The following ASS1 variants were observed in gnomAD, a reference collection of about 807,000 sequenced individuals.
ASS1 encodes the protein argininosuccinate synthase 1.
ASS1 carries 58 observed loss-of-function variants against 60.5 expected under a neutral mutation model. That is an observed-to-expected ratio of 0.96 (90% CI 0.78 to 1.19). ASS1 has a LOEUF of 1.19. Among genes scored for constraint, ASS1 ranks in the 50% most tolerant of loss-of-function variants. The probability of loss-of-function intolerance (pLI) is 0.00; values close to 1 mark genes in which losing one functional copy is unlikely to be tolerated. For synonymous variants in ASS1, 200 were observed against 206.9 expected, an observed-to-expected ratio of 0.97 and a Z score of 0.29; for missense variants, 454 against 547.3, an observed-to-expected ratio of 0.83 and a Z score of 1.70.
chr9:130,445,797 ATTC>A (rs1005710291), intron 1 of ASS1, among the ~76,000 whole-genome samples: 6 of 152,100 alleles, frequency 3.9e-5, no homozygotes, highest in African/African-American at 1.4e-4. Flanking sequence ...TGGCCTCAGT[ATTC>A]TTCTCTGAGA....
At chr9:130,465,330 A>T (rs1268269097) in intron 5 of ASS1, among the ~76,000 whole-genome samples, 4 of 152,208 alleles carry the variant, frequency 2.6e-5, no homozygotes, top group Non-Finnish European at 5.9e-5. Context: ...TAGTAGCCAT[A>T]TTAAAAAATA....
In ASS1 at chr9:130,459,244, C is replaced by A. The variant is rs1443099017; in HGVS notation, c.363+655C>A. On this transcript the variant is annotated intron_variant, in intron 4 of 14. Transcript: ENST00000352480. This position sits in a 1 kb window ranked among gnomAD's most constrained non-coding sequence, Gnocchi z 4.6. ...CAGGCCTCTCTCCAGCTTCCAGTGG[C>A]CTCTGGTGTCCCTTAGCGTGTGGCT... Among the ~76,000 whole-genome samples, 5 of 152,148 alleles carry A rather than the reference C, an allele frequency of 3.3e-5. No homozygotes were observed. The highest frequency in any genetic ancestry group is 7.3e-5 in the Non-Finnish European group (5 of 68,034).
Position 130,493,958 on chromosome 9 carries a change from T to A in ASS1, c.971-909T>A, listed in dbSNP as rs867918338. Among the ~76,000 whole-genome samples, 111 of 152,282 alleles carry A rather than the reference T, an allele frequency of 7.3e-4. 1 individual carries two copies. The highest frequency in any genetic ancestry group is 2.4e-3 in the African/African-American group (99 of 41,550). On this transcript the variant is annotated intron_variant, in intron 12 of 14. Transcript: ENST00000352480. Reference sequence around the variant, plus strand: ...CTGGCCATAGAGAAAGCTCCAAGTTTATCATAGGAAGCAGAGTTGTTACAA... The same window carrying A: ...CTGGCCATAGAGAAAGCTCCAAGTTAATCATAGGAAGCAGAGTTGTTACAA...
intron 1 of ASS1, chr9:130,450,249 G>T: frequency 4.0e-6 from 4 of 987,918 alleles, no homozygotes; most frequent in Non-Finnish European, 4.8e-6. Flanking sequence ...CCTGCAGGCA[G>T]CTGAGTAGCT....
At position 130,499,513 on chromosome 9, in the gene ASS1, T is replaced by C; in HGVS notation, c.1136T>C (p.Val379Ala). The change falls in exon 14 of 15, where the codon GTG becomes GCG. Residue 379 changes from valine (V) to alanine (A), a missense_variant. Physicochemically the swap from Val to Ala is moderately conservative, Grantham distance 64. Transcript: ENST00000352480. ...LYNEELVSMNVQGDYEPTDAT... is the reference protein window; with the variant it reads ...LYNEELVSMNAQGDYEPTDAT... ...TTCTACTCTCCTTGCAGCATGAACG[T>C]GCAGGGTGATTATGAGCCAACTGAT... 1 of 1,613,736 alleles carries C rather than the reference T, an allele frequency of 6.2e-7. No individual in the cohort carries two copies. The highest frequency in any genetic ancestry group is 8.5e-7 in the Non-Finnish European group (1 of 1,179,884).
intron 11 of ASS1, among the ~76,000 whole-genome samples, chr9:130,487,187 T>A (rs1251119563): frequency 1.3e-5 from 2 of 152,256 alleles, no homozygotes; most frequent in Non-Finnish European, 2.9e-5. Context: ...CGCAGGCTGT[T>A]TGAATATTAG....
At chr9:130,466,985 G>A (rs1318680363) in intron 6 of ASS1, among the ~76,000 whole-genome samples, 186 bp downstream of exon 6, 34 of 152,242 alleles carry the variant, frequency 2.2e-4, no homozygotes, top group Admixed American at 2.2e-3. Context: ...CCACAGAGGT[G>A]TGGTCATCTG....
intron 11 of ASS1, among the ~76,000 whole-genome samples, chr9:130,485,975 C>T (rs955670794): frequency 6.6e-6 from 1 of 152,014 alleles, no homozygotes; most frequent in Non-Finnish European, 1.5e-5. Context: ...TGTTTGTGTG[C>T]GGTCATCATG....
At chr9:130,454,452 G>A in intron 3 of ASS1, 79 bp downstream of exon 3, 1 of 1,410,822 alleles carries the variant, frequency 7.1e-7, no homozygotes, top group Non-Finnish European at 9.9e-7. Context: ...CCTGCCCCAG[G>A]GATCCCATCC....
At chr9:130,450,392 A>G in intron 1 of ASS1, 2 of 965,912 alleles carry the variant, frequency 2.1e-6, no homozygotes. Flanking sequence ...TCCATCCTGC[A>G]TGGCCAATTG....
intron 9 of ASS1, 91 bp from the exon 10 acceptor site, chr9:130,479,625 G>C: frequency 2.9e-6 from 3 of 1,035,006 alleles, no homozygotes; most frequent in Non-Finnish European, 4.6e-6. Context: ...CATTTAAGGC[G>C]TTTCGGGAGG....
At chr9:130,444,733 C>G (rs1229359287), upstream of ASS1, among the ~76,000 whole-genome samples, 12 of 151,796 alleles carry the variant, frequency 7.9e-5, no homozygotes, top group Admixed American at 6.6e-4. The surrounding 1 kb of genome is among the most constrained non-coding windows in gnomAD (Gnocchi z 4.7). Context: ...GAGGGTGAGC[C>G]GGCGCCGGGC....
intron 3 of ASS1, among the ~76,000 whole-genome samples, chr9:130,458,158 C>G (rs888192383): frequency 5.7e-5 from 6 of 105,324 alleles, no homozygotes; most frequent in Admixed American, 4.1e-4. Context: ...GACTTCGACT[C>G]AAAAAAAAAA....
chr9:130,500,268 T>G (rs1247054998), intron 14 of ASS1, among the ~76,000 whole-genome samples: 1 of 152,164 alleles, frequency 6.6e-6, no homozygotes, highest in Non-Finnish European at 1.5e-5. Context: ...TAAGCTGCTC[T>G]GGGACACTCT....
At position 130,477,796 on chromosome 9, in the gene ASS1, G is replaced by A. The variant is rs1846058527; in HGVS notation, c.688+835G>A. Among the ~76,000 whole-genome samples, 1 of 152,200 alleles carries A rather than the reference G, an allele frequency of 6.6e-6. No homozygotes were observed. The highest frequency in any genetic ancestry group is 1.5e-5 in the Non-Finnish European group (1 of 68,020). Reference sequence around the variant, plus strand: ...CACAGGGGCACCCAAGGACCAGGCGGGGGGCTGGCCCATTCGTCCACAAAG... The same window carrying A: ...CACAGGGGCACCCAAGGACCAGGCGAGGGGCTGGCCCATTCGTCCACAAAG... On this transcript the variant is annotated intron_variant, in intron 9 of 14. Transcript: ENST00000352480. The surrounding 1 kb of genome is among the most constrained non-coding windows in gnomAD (Gnocchi z 4.2).
chr9:130,448,685 TCCC>T (rs1845256473), intron 1 of ASS1, among the ~76,000 whole-genome samples: 1 of 152,140 alleles, frequency 6.6e-6, no homozygotes, highest in Non-Finnish European at 1.5e-5. Context: ...TGCCTCAGCC[TCCC>T]AAGTAGCTGG....
chr9:130,451,573 T>G (rs1248873935), intron 1 of ASS1: 1 of 347,048 alleles, frequency 2.9e-6, no homozygotes, highest in Non-Finnish European at 5.7e-6. Flanking sequence ...GCTGGGCCCC[T>G]GCCCCACAGC....
In ASS1 at chr9:130,479,800, CG is replaced by C; in HGVS notation, c.773+1del. 6.2e-7 allele frequency: 1 copy of C among 1,613,834 alleles called. No individual in the cohort carries two copies. The highest frequency in any genetic ancestry group is 2.2e-5 in the East Asian group (1 of 44,866). ...CTCTTCATGTACCTGAACGAAGTCG[CG>C]TGAGTGTCTGCAGCCCTGTCCGGCC... On this transcript the variant is annotated splice_donor_variant, in intron 10 of 14. Coordinates refer to ENST00000352480, the MANE Select transcript of ASS1 (RefSeq NM_054012.4). LOFTEE classifies it high-confidence loss of function.
At chr9:130,473,059 C>T (rs888352875) in intron 8 of ASS1, among the ~76,000 whole-genome samples, 1 of 152,176 alleles carries the variant, frequency 6.6e-6, no homozygotes, top group South Asian at 2.1e-4. Flanking sequence ...CTGCGCCCTC[C>T]CAGGCCTCCT....
Sources: gnomAD v4.1 joint callset for allele counts (sites outside exome capture counted in the v4.1 genomes callset) on GRCh38, gnomAD v4.1.1 for gene constraint, Gnocchi (gnomAD v3.1) non-coding constraint, MANE v1.5 for transcripts, NCBI Gene and HGNC (gene_info 2026-07-23, HGNC 2026-07-21) for gene names.